FOXP2: variants seen among roughly 807,000 people sequenced by gnomAD.
FOXP2 encodes forkhead box P2.
FOXP2 carries 12 observed loss-of-function variants against 115.8 expected under a neutral mutation model. The observed-to-expected ratio is 0.10, with a 90% confidence interval of 0.07 to 0.17. The LOEUF is 0.17. Ranked by LOEUF, FOXP2 falls within the 10% of genes least tolerant of loss-of-function variation. FOXP2 has a pLI of 1.00. For synonymous variants in FOXP2, 328 were observed against 297.7 expected (o/e 1.10, Z -1.05); for missense variants, 629 against 843.5 (o/e 0.75, Z 3.15).
intron 1 of FOXP2, among the ~76,000 whole-genome samples, chr7:114,205,052 A>T (rs114235600): frequency 1.5e-3 from 230 of 152,306 alleles, no homozygotes; most frequent in African/African-American, 5.4e-3. Flanking sequence ...AATGTGAGTT[A>T]TGAAGATCAA....
chr7:114,609,367 A>C (rs933621479), intron 3 of FOXP2, among the ~76,000 whole-genome samples: 16 of 152,330 alleles, frequency 1.1e-4, no homozygotes, highest in African/African-American at 3.4e-4. Flanking sequence ...CATGCTTAAT[A>C]TATTTGTGAA....
At chr7:114,654,810 A>G (rs1336335271) in intron 10 of FOXP2, among the ~76,000 whole-genome samples, 1 of 152,146 alleles carries the variant, frequency 6.6e-6, no homozygotes, top group East Asian at 1.9e-4. Flanking sequence ...AATGATTGCC[A>G]GTCTTGCCTC....
At chr7:114,642,812 A>ATATTTTTTT (rs1308357594) in intron 7 of FOXP2, among the ~76,000 whole-genome samples, 189 bp downstream of exon 7, 1 of 72,436 alleles carries the variant, frequency 1.4e-5, no homozygotes, top group Non-Finnish European at 2.3e-5. Context: ...ATATATATAT[A>ATATTTTTTT]TTTTTTTTTT....
chr7:114,583,930 T>G (rs1490674317), intron 3 of FOXP2, among the ~76,000 whole-genome samples: 1 of 152,222 alleles, frequency 6.6e-6, no homozygotes, highest in Non-Finnish European at 1.5e-5. Flanking sequence ...AACTAAAGTT[T>G]TGGTCAAAGT....
intron 2 of FOXP2, among the ~76,000 whole-genome samples, chr7:114,353,871 C>T (rs1791555170): frequency 6.6e-6 from 1 of 152,078 alleles, no homozygotes; most frequent in Non-Finnish European, 1.5e-5. Context: ...CCATCTCATA[C>T]AATAAGGAGA....
In FOXP2 at chr7:114,678,800, A is replaced by G. The variant is rs183420654; in HGVS notation, c.2004-10982A>G. 4.7e-3 allele frequency among the ~76,000 whole-genome samples: 711 copies of G among 152,132 alleles called. 2 individuals are homozygous for G. The highest frequency in any genetic ancestry group is 0.015 in the African/African-American group (626 of 41,524). ...AATCTTTTCATCTTCACTTTCTAATATCCAAACTTTCTGAGATTTGCTTTC... is the reference window on the plus strand; with the variant it reads ...AATCTTTTCATCTTCACTTTCTAATGTCCAAACTTTCTGAGATTTGCTTTC... On this transcript the variant is annotated intron_variant, in intron 16 of 16. Transcript: ENST00000350908.
intron 3 of FOXP2, among the ~76,000 whole-genome samples, chr7:114,609,441 A>G (rs1803513950): frequency 6.6e-6 from 1 of 152,210 alleles, no homozygotes; most frequent in Non-Finnish European, 1.5e-5. Context: ...TAGTAAAACC[A>G]ACATGAATAT....
intron 1 of FOXP2, among the ~76,000 whole-genome samples, chr7:114,249,438 C>T (rs953583812): frequency 4.0e-5 from 6 of 151,616 alleles, no homozygotes; most frequent in Non-Finnish European, 7.4e-5. Context: ...CTGTTCAGCT[C>T]CCACTTGTAA....
chr7:114,605,376 A>G (rs778962479), intron 3 of FOXP2, among the ~76,000 whole-genome samples: 3 of 152,226 alleles, frequency 2.0e-5, no homozygotes, highest in Non-Finnish European at 4.4e-5. Flanking sequence ...TAACCCTAAT[A>G]ACCTCAAGGA....
At chr7:114,245,680 T>C (rs1329050522) in intron 1 of FOXP2, among the ~76,000 whole-genome samples, 1 of 152,222 alleles carries the variant, frequency 6.6e-6, no homozygotes, top group Non-Finnish European at 1.5e-5. Context: ...TTCATAGAGC[T>C]GAAGATGCCG....
At chr7:114,409,171 C>T (rs138540818) in intron 2 of FOXP2, among the ~76,000 whole-genome samples, 181 of 152,064 alleles carry the variant, frequency 1.2e-3, no homozygotes, top group African/African-American at 4.0e-3. Context: ...ATAATATTGC[C>T]TTAAATGGAT....
At chr7:114,265,500 A>T (rs755781882) in intron 1 of FOXP2, among the ~76,000 whole-genome samples, 1 of 152,102 alleles carries the variant, frequency 6.6e-6, no homozygotes, top group African/African-American at 2.4e-5. Context: ...CAGGTTTTTG[A>T]GTGCGTGTGG....
chr7:114,626,759 G>A lies in FOXP2; in HGVS notation c.259-1781G>A, dbSNP rs542256873. Among the ~76,000 whole-genome samples, 3 of 151,630 alleles carry A rather than the reference G, an allele frequency of 2.0e-5. No homozygotes were observed. The East Asian group carries it at 5.8e-4, about 29-fold the overall frequency. On this transcript the variant is annotated intron_variant, in intron 3 of 16. Transcript: ENST00000350908. The stretch of plus-strand genomic sequence containing the variant: ...TGATACATTTTTTTTCTCACTACTT[G>A]TTCTAACCATTCTATTTGTTTATCA...
rs767225924 is a variant in FOXP2, at chr7:114,693,601, T to C, written c.*3675T>C. 2 of 452,884 alleles carry C rather than the reference T, an allele frequency of 4.4e-6. No homozygotes were observed. The allele number at this position is 452,884 out of a possible 1,614,324, so 28.1% of individuals were successfully genotyped here. On this transcript the variant is annotated 3_prime_UTR_variant, in exon 17 of 17. Coordinates refer to ENST00000350908, the MANE Select transcript of FOXP2 (RefSeq NM_014491.4). ...AAAGGTTTTTTTGTCCATGAACACT[T>C]GGCATATCTTACTTAGCAAAAAAGA... is the stretch of plus-strand genomic sequence containing the variant.
At chr7:114,304,669 CAAAAAAAAAAAAA>C (rs71157580) in intron 2 of FOXP2, among the ~76,000 whole-genome samples, 1 of 65,116 alleles carries the variant, frequency 1.5e-5, no homozygotes, top group Admixed American at 2.1e-4. Context: ...GACTCTGTCT[CAAAAAAAAAAAAA>C]AAAAAAAAAA....
chr7:114,503,357 G>A (rs2129253981), intron 2 of FOXP2, among the ~76,000 whole-genome samples: 1 of 151,630 alleles, frequency 6.6e-6, no homozygotes, highest in East Asian at 1.9e-4. Context: ...AACATCTGTG[G>A]AAACTCAGAC....
chr7:114,138,393 C>CTT (rs34769199), intron 1 of FOXP2, among the ~76,000 whole-genome samples: 4,718 of 138,424 alleles, frequency 0.034, 181 homozygotes, highest in East Asian at 0.13. Flanking sequence ...TAAGCCTATT[C>CTT]TTTTTTTTTT....
intron 14 of FOXP2, 93 bp downstream of exon 14, chr7:114,662,279 TTAATGGCATGC>T: frequency 6.6e-7 from 1 of 1,525,230 alleles, no homozygotes. Context: ...GACAGTTAGC[TTAATGGCATGC>T]TAACATTCTC....
chr7:114,528,794 G>A (rs552773284), intron 2 of FOXP2, among the ~76,000 whole-genome samples: 72 of 150,526 alleles, frequency 4.8e-4, no homozygotes, highest in African/African-American at 1.7e-3. Flanking sequence ...ACCCTGCTAA[G>A]GTATGTGTAA....
Sources: allele counts gnomAD v4.1 joint callset (sites outside exome capture counted in the v4.1 genomes callset), GRCh38; gene constraint gnomAD v4.1.1; transcripts MANE v1.5; gene names NCBI Gene and HGNC (gene_info 2026-07-23, HGNC 2026-07-21).